PATJ: variants seen among roughly 807,000 people sequenced by gnomAD.
The protein encoded by PATJ is inaD-like protein.
In PATJ, 190 loss-of-function variants were observed where a neutral mutation model predicts 224.9. That is an observed-to-expected ratio of 0.84 (90% CI 0.75 to 0.95). The LOEUF (loss-of-function observed/expected upper bound fraction) is 0.95. Ranked by LOEUF, PATJ falls within the 40% of genes least tolerant of loss-of-function variation. The pLI is 0.00. For missense variants in PATJ, 2,121 were observed against 2,270.3 expected, an observed-to-expected ratio of 0.93 and a Z score of 1.34; for synonymous variants, 769 against 820.3, an observed-to-expected ratio of 0.94 and a Z score of 1.07.
intron 41 of PATJ, among the ~76,000 whole-genome samples, chr1:62,147,907 G>C (rs977111896): frequency 2.0e-5 from 3 of 151,700 alleles, no homozygotes; most frequent in Non-Finnish European, 4.4e-5. Context: ...AGTTTGCAGT[G>C]AGCTGAGATC....
At chr1:61,937,074 C>A (rs1386101015) in intron 27 of PATJ, among the ~76,000 whole-genome samples, 6 of 152,080 alleles carry the variant, frequency 3.9e-5, no homozygotes, top group Non-Finnish European at 8.8e-5. Flanking sequence ...TAAACCTACT[C>A]CCCAGAAAAA....
chr1:62,131,501 A>T (rs1271577459), intron 41 of PATJ, among the ~76,000 whole-genome samples: 1 of 152,182 alleles, frequency 6.6e-6, no homozygotes, highest in African/African-American at 2.4e-5. Context: ...AGACACAATT[A>T]GCCAGGTGTG....
In PATJ at chr1:61,786,107, C is replaced by T. The variant is rs140433548; in HGVS notation, c.850-1647C>T. Among the ~76,000 whole-genome samples, 324 of 152,308 alleles carry T rather than the reference C, an allele frequency of 2.1e-3. 1 individual carries two copies. The highest frequency in any genetic ancestry group is 3.1e-3 in the Non-Finnish European group (213 of 68,028). On this transcript the variant is annotated intron_variant, in intron 7 of 43. Transcript: ENST00000642238. ...CGTGATCTTTGCTCACCGCAACCTCCGCCTCCCAGGTTCAAGTGATTCGCA... is the reference window on the plus strand; with the variant it reads ...CGTGATCTTTGCTCACCGCAACCTCTGCCTCCCAGGTTCAAGTGATTCGCA...
intron 41 of PATJ, among the ~76,000 whole-genome samples, chr1:62,138,882 C>T (rs1667211293): frequency 6.6e-6 from 1 of 152,132 alleles, no homozygotes; most frequent in Admixed American, 6.6e-5. Flanking sequence ...GTAAGGACCT[C>T]AGAGTCCCTG....
At chr1:61,783,247 ATTCCTTTAG>A (rs923606305) in intron 7 of PATJ, among the ~76,000 whole-genome samples, 1 of 152,198 alleles carries the variant, frequency 6.6e-6, no homozygotes, top group African/African-American at 2.4e-5. Context: ...AGTTTCTTTA[ATTCCTTTAG>A]GGAAACAGTG....
intron 1 of PATJ, among the ~76,000 whole-genome samples, chr1:61,752,312 T>TC: frequency 2.8e-5 from 1 of 35,294 alleles, no homozygotes; most frequent in East Asian, 1.1e-3. Flanking sequence ...CATTTCTTTC[T>TC]TTTTTTTTTT....
At chr1:61,802,844 C>T (rs1652819893) in intron 12 of PATJ, among the ~76,000 whole-genome samples, 1 of 152,128 alleles carries the variant, frequency 6.6e-6, no homozygotes, top group Non-Finnish European at 1.5e-5. Flanking sequence ...CAGTTGCACA[C>T]AGTTCCCTGC....
At chr1:61,787,038 C>G (rs940400407) in intron 7 of PATJ, among the ~76,000 whole-genome samples, 1 of 152,070 alleles carries the variant, frequency 6.6e-6, no homozygotes, top group African/African-American at 2.4e-5. Flanking sequence ...TATCTAGAAT[C>G]TCACTTCTGA....
At chr1:62,127,339 T>C (rs958268800) in intron 39 of PATJ, among the ~76,000 whole-genome samples, 4 of 152,120 alleles carry the variant, frequency 2.6e-5, no homozygotes, top group African/African-American at 9.7e-5. Flanking sequence ...TTGCAGTCTT[T>C]TGTGATAATT....
chr1:61,820,420 G>A (rs917154207), intron 14 of PATJ, among the ~76,000 whole-genome samples: 3 of 152,130 alleles, frequency 2.0e-5, no homozygotes, highest in Admixed American at 6.5e-5. Context: ...TCAGCTCACT[G>A]CAACCTCTGC....
At chr1:61,875,524 A>G in intron 21 of PATJ, 158 bp downstream of exon 21, 1 of 542,126 alleles carries the variant, frequency 1.8e-6, no homozygotes, top group Non-Finnish European at 3.2e-6. Flanking sequence ...ATTACCTGAA[A>G]GAATAAACAT....
At chr1:61,905,136 A>G (rs991665465) in intron 24 of PATJ, among the ~76,000 whole-genome samples, 1 of 152,220 alleles carries the variant, frequency 6.6e-6, no homozygotes, top group Non-Finnish European at 1.5e-5. Flanking sequence ...AATACCATAA[A>G]CATAGAAATT....
chr1:61,954,980 T>C (rs1426512643), intron 27 of PATJ, among the ~76,000 whole-genome samples: 1 of 152,068 alleles, frequency 6.6e-6, no homozygotes, highest in African/African-American at 2.4e-5. Context: ...GTCTCAATCT[T>C]CTGACCTCAT....
At chr1:61,939,881 C>T (rs1557908893) in intron 27 of PATJ, among the ~76,000 whole-genome samples, 1 of 151,626 alleles carries the variant, frequency 6.6e-6, no homozygotes, top group Non-Finnish European at 1.5e-5. Flanking sequence ...ACCATGTTGG[C>T]CAAGCTGGTC....
chr1:62,046,759 A>C (rs1226775269), intron 30 of PATJ, among the ~76,000 whole-genome samples: 1 of 152,222 alleles, frequency 6.6e-6, no homozygotes, highest in East Asian at 1.9e-4. Context: ...GAAGGAAAAG[A>C]TACAATGGAA....
intron 31 of PATJ, among the ~76,000 whole-genome samples, chr1:62,067,250 A>G (rs1570424329): frequency 6.8e-6 from 1 of 147,604 alleles, no homozygotes; most frequent in African/African-American, 2.5e-5. Flanking sequence ...CCTCAGCCTC[A>G]CGAGTAGCTG....
At chr1:61,861,978 C>T (rs1031932229) in intron 19 of PATJ, among the ~76,000 whole-genome samples, 1 of 152,134 alleles carries the variant, frequency 6.6e-6, no homozygotes, top group Non-Finnish European at 1.5e-5. Flanking sequence ...CCACCCACCT[C>T]AGCCTCCTGA....
At chr1:61,809,851 CTT>C (rs34929042) in intron 14 of PATJ, among the ~76,000 whole-genome samples, 5 of 138,952 alleles carry the variant, frequency 3.6e-5, no homozygotes, top group Non-Finnish European at 3.1e-5. Flanking sequence ...TCTTTTCTTT[CTT>C]TTTTTTTTTT....
chr1:61,847,348 C>T (rs185605338), intron 17 of PATJ, among the ~76,000 whole-genome samples: 2 of 152,314 alleles, frequency 1.3e-5, no homozygotes, highest in East Asian at 3.9e-4. Context: ...CCTTTGTCCA[C>T]TTCTCTTCCA....
Sources: gnomAD v4.1 joint callset for allele counts (sites outside exome capture counted in the v4.1 genomes callset) on GRCh38, gnomAD v4.1.1 for gene constraint, MANE v1.5 for transcripts, NCBI Gene and HGNC (gene_info 2026-07-23, HGNC 2026-07-21) for gene names.